Variants in FGF14 observed in about 807,000 individuals in gnomAD.
FGF14 encodes fibroblast growth factor homologous factor 4.
In FGF14, 5 loss-of-function variants were observed where a neutral mutation model predicts 25.5. The ratio of observed to expected loss-of-function variants is 0.20; its 90% CI spans 0.10 to 0.41. The LOEUF is 0.41. Among genes scored for constraint, FGF14 ranks in the 10% least tolerant of loss-of-function variants. The pLI, the probability that FGF14 is intolerant of heterozygous loss-of-function variation, is 1.00. For synonymous variants in FGF14, 138 were observed against 118.3 expected, an observed-to-expected ratio of 1.17 and a Z score of -1.08; for missense variants, 222 against 320.1, an observed-to-expected ratio of 0.69 and a Z score of 2.34.
At chr13:102,303,229 G>A (rs1182235893) in intron 1 of FGF14, among the ~76,000 whole-genome samples, 3 of 152,118 alleles carry the variant, frequency 2.0e-5, no homozygotes, top group Admixed American at 6.6e-5. Flanking sequence ...TGTCCTCTGG[G>A]CAAATGTCAG....
intron 3 of FGF14, among the ~76,000 whole-genome samples, chr13:101,789,275 T>C (rs1381853413): frequency 6.6e-6 from 1 of 152,116 alleles, no homozygotes; most frequent in Non-Finnish European, 1.5e-5. Context: ...TTCTCTTTTG[T>C]GTCTCCAGGC....
At chr13:101,918,158 G>A (rs1311983291), upstream of FGF14, among the ~76,000 whole-genome samples, 1 of 152,054 alleles carries the variant, frequency 6.6e-6, no homozygotes, top group Non-Finnish European at 1.5e-5. Flanking sequence ...ACCTGAAAAT[G>A]TGAAGGTCCA....
chr13:101,763,640 C>A (rs1242186335), intron 3 of FGF14, among the ~76,000 whole-genome samples: 1 of 152,108 alleles, frequency 6.6e-6, no homozygotes, highest in Admixed American at 6.5e-5. Flanking sequence ...AGGTGGATCA[C>A]CTGAGAGTAA....
At chr13:101,873,327 CTTTG>C (rs938539707) in intron 2 of FGF14, among the ~76,000 whole-genome samples, 4 of 151,986 alleles carry the variant, frequency 2.6e-5, no homozygotes, top group East Asian at 1.9e-4. Flanking sequence ...CACATAAAAC[CTTTG>C]TTTGAGTGAA....
At chr13:102,326,693 G>GGGAAGGGA (rs2056445953) in intron 1 of FGF14, among the ~76,000 whole-genome samples, 1 of 29,344 alleles carries the variant, frequency 3.4e-5, no homozygotes, top group African/African-American at 1.4e-4. Flanking sequence ...GGGAAGGGAA[G>GGGAAGGGA]GGAAGGAAGG....
chr13:101,875,448 C>A, intron 1 of FGF14, 152 bp from the exon 2 acceptor site: 1 of 663,008 alleles, frequency 1.5e-6, no homozygotes, highest in Non-Finnish European at 2.7e-6. Flanking sequence ...TTTTATCAAA[C>A]CTGCAGTATT....
intron 1 of FGF14, among the ~76,000 whole-genome samples, chr13:102,103,327 A>C (rs539993773): frequency 1.1e-5 from 1 of 89,968 alleles, no homozygotes; most frequent in Non-Finnish European, 2.1e-5. Flanking sequence ...TAGATCACAC[A>C]CCTTACAGAA....
chr13:101,797,889 T>G (rs1352055196), intron 3 of FGF14, among the ~76,000 whole-genome samples: 1 of 152,048 alleles, frequency 6.6e-6, no homozygotes, highest in East Asian at 1.9e-4. Flanking sequence ...AATCATTGTC[T>G]TGAAGTTGTT....
intron 1 of FGF14, among the ~76,000 whole-genome samples, chr13:102,104,742 TG>T (rs2044823268): frequency 6.6e-6 from 1 of 152,128 alleles, no homozygotes; most frequent in Admixed American, 6.6e-5. Flanking sequence ...GCTGTGATCT[TG>T]CCACTGCACT....
intron 1 of FGF14, among the ~76,000 whole-genome samples, chr13:102,073,262 A>G (rs1189646046): frequency 6.6e-6 from 1 of 152,168 alleles, no homozygotes; most frequent in Non-Finnish European, 1.5e-5. Flanking sequence ...AAAAAAATTA[A>G]TAAATAAACA....
chr13:101,955,213 T>C (rs1594820055), intron 1 of FGF14, among the ~76,000 whole-genome samples: 1 of 152,252 alleles, frequency 6.6e-6, no homozygotes, highest in Non-Finnish European at 1.5e-5. Context: ...ATTTTAGCAA[T>C]ACACCAAAGT....
chr13:101,887,207 A>G (rs975975467), intron 1 of FGF14, among the ~76,000 whole-genome samples: 3 of 151,978 alleles, frequency 2.0e-5, no homozygotes, highest in Non-Finnish European at 4.4e-5. Flanking sequence ...ATGAAAAAAA[A>G]GTCTGTGCTC....
chr13:102,307,339 C>G (rs556027535), intron 1 of FGF14, among the ~76,000 whole-genome samples: 4 of 152,130 alleles, frequency 2.6e-5, no homozygotes, highest in Admixed American at 6.6e-5. Flanking sequence ...GACTTCTGAC[C>G]TGCAGAACTG....
At chr13:101,960,565 A>G (rs2036787349) in intron 1 of FGF14, among the ~76,000 whole-genome samples, 3 of 152,146 alleles carry the variant, frequency 2.0e-5, no homozygotes, top group Admixed American at 2.0e-4. Flanking sequence ...GTGTATATGT[A>G]CCACATTTTC....
At chr13:102,238,876 C>T (rs2141019840) in intron 1 of FGF14, among the ~76,000 whole-genome samples, 1 of 152,162 alleles carries the variant, frequency 6.6e-6, no homozygotes, top group South Asian at 2.1e-4. Flanking sequence ...TGTGTCTGTC[C>T]TTAGAAAGGT....
chr13:102,225,788 A>T (rs1416028079), intron 1 of FGF14, among the ~76,000 whole-genome samples: 1 of 152,334 alleles, frequency 6.6e-6, no homozygotes, highest in East Asian at 1.9e-4. Context: ...TATTAAAGCA[A>T]TTAACATTTA....
chr13:102,220,475 T>A (rs919710004), intron 1 of FGF14, among the ~76,000 whole-genome samples: 1 of 152,210 alleles, frequency 6.6e-6, no homozygotes, highest in Admixed American at 6.5e-5. Flanking sequence ...GCTACATATC[T>A]TGAAGTTTCA....
intron 1 of FGF14, among the ~76,000 whole-genome samples, chr13:102,148,546 C>T (rs1160224526): frequency 3.9e-5 from 6 of 152,184 alleles, no homozygotes; most frequent in Non-Finnish European, 5.9e-5. Flanking sequence ...CAGTGGCTCA[C>T]ACCTGTAATG....
chr13:102,265,215 G>T (rs536842290), intron 1 of FGF14, among the ~76,000 whole-genome samples: 1 of 152,030 alleles, frequency 6.6e-6, no homozygotes, highest in Non-Finnish European at 1.5e-5. Context: ...TCTCCATTAT[G>T]TTTTTGTGTA....
Sources: allele counts gnomAD v4.1 joint callset (sites outside exome capture counted in the v4.1 genomes callset), GRCh38; gene constraint gnomAD v4.1.1; transcripts MANE v1.5; gene names NCBI Gene and HGNC (gene_info 2026-07-23, HGNC 2026-07-21).